Variants in MID1 observed in about 807,000 individuals in gnomAD.
The protein encoded by MID1 is midline 1.
Under a neutral mutation model 40.4 loss-of-function variants are expected in MID1, and 7 were observed. The ratio of observed to expected loss-of-function variants is 0.17; its 90% CI spans 0.10 to 0.33. MID1 has a LOEUF of 0.33. Ranked by LOEUF, MID1 falls within the 10% of genes least tolerant of loss-of-function variation. The pLI, the probability that MID1 is intolerant of heterozygous loss-of-function variation, is 1.00. For missense variants in MID1, 367 were observed against 558.5 expected (o/e 0.66, Z 3.46); for synonymous variants, 229 against 221.2 (o/e 1.04, Z -0.31).
In MID1 at chrX:10,465,507, G is replaced by A. The variant is rs554290783; in HGVS notation, c.1285+4190C>T. On this transcript the variant is annotated intron_variant, in intron 7 of 9. Transcript: ENST00000317552. ...TATTACATTATATGACAAAGGCGAAGGCGAAGGGAGTTTACAGATATAATT... is the reference window on the plus strand; with the variant it reads ...TATTACATTATATGACAAAGGCGAAAGCGAAGGGAGTTTACAGATATAATT... Among the ~76,000 whole-genome samples the A allele has an allele frequency of 9.1e-5, 10 of 110,148 alleles. No homozygotes were observed. In the South Asian group the frequency reaches 3.5e-3, roughly 39 times the overall value.
rs190245467 is a variant in MID1, at chrX:10,458,579, A to G, written c.1447+1067T>C. On this transcript the variant is annotated intron_variant, in intron 8 of 9. Coordinates refer to ENST00000317552, the MANE Select transcript of MID1 (RefSeq NM_000381.4). Reference sequence around the variant, plus strand: ...ACAGAACTCTCTGTATTATCTATGGATTTCCTGTAAATCTACAGCTATTCC... The same window carrying G: ...ACAGAACTCTCTGTATTATCTATGGGTTTCCTGTAAATCTACAGCTATTCC... 2.6e-3 allele frequency among the ~76,000 whole-genome samples: 296 copies of G among 112,138 alleles called. 2 individuals are homozygous for G. Among genetic ancestry groups the G allele is most frequent in the African/African-American group, 8.2e-3 (254 of 30,886 alleles).
rs180920746 is a variant in MID1 at position 10,562,707 on chromosome X, T to C, written c.660+4181A>G. Reference sequence around the variant, plus strand: ...AAAATATACCAAGTCCAAAGTTGACTTGTATCCATCTACCAAACATTCAAG... The same window carrying C: ...AAAATATACCAAGTCCAAAGTTGACCTGTATCCATCTACCAAACATTCAAG... On this transcript the variant is annotated intron_variant, in intron 2 of 9. Transcript: ENST00000317552. 1.0e-4 allele frequency among the ~76,000 whole-genome samples: 11 copies of C among 106,294 alleles called. No homozygotes were observed. The East Asian group carries it at 2.8e-3, about 27-fold the overall frequency. The allele number at this position is 106,294 out of a possible 115,157, so 92.3% of individuals were successfully genotyped here.
intron 6 of MID1, among the ~76,000 whole-genome samples, chrX:10,470,611 A>AC (rs1435838998): frequency 8.9e-6 from 1 of 112,385 alleles, no homozygotes; most frequent in Non-Finnish European, 1.9e-5. Flanking sequence ...AATTCAGAAG[A>AC]CCATGATTCA....
intron 1 of MID1, among the ~76,000 whole-genome samples, chrX:10,766,334 G>A (rs770862198): frequency 1.8e-5 from 2 of 111,304 alleles, no homozygotes; most frequent in Non-Finnish European, 3.8e-5. Flanking sequence ...CAGGATAATC[G>A]CCAAGCCTGG....
chrX:10,661,895 T>C (rs1002103532), intron 1 of MID1, among the ~76,000 whole-genome samples: 14 of 112,365 alleles, frequency 1.2e-4, no homozygotes, highest in Non-Finnish European at 2.6e-4. Context: ...ATGAGAAATC[T>C]ACTTACTTTT....
At chrX:10,717,382 C>T (rs1215449905) in intron 1 of MID1, among the ~76,000 whole-genome samples, 1,916 of 105,905 alleles carry the variant, frequency 0.018, 49 homozygotes, top group African/African-American at 0.063. Flanking sequence ...AAAAAAAAGG[C>T]AGGGGTTGCA....
chrX:10,470,333 A>T (rs1359374500), intron 6 of MID1, among the ~76,000 whole-genome samples: 6 of 111,792 alleles, frequency 5.4e-5, no homozygotes, highest in African/African-American at 2.0e-4. Context: ...GGTTCCAATA[A>T]AACTTTATTT....
At chrX:10,745,773 T>C (rs976685691) in intron 1 of MID1, among the ~76,000 whole-genome samples, 1 of 112,423 alleles carries the variant, frequency 8.9e-6, no homozygotes, top group African/African-American at 3.2e-5. Flanking sequence ...ACATTGAGAA[T>C]GTATGAAGAA....
At chrX:10,816,179 A>T (rs2044135000) in intron 1 of MID1, among the ~76,000 whole-genome samples, 1 of 111,876 alleles carries the variant, frequency 8.9e-6, no homozygotes, top group South Asian at 3.7e-4. Flanking sequence ...AAATAAATTA[A>T]TAATAATAAT....
chrX:10,756,906 C>T (rs965255173), intron 1 of MID1, among the ~76,000 whole-genome samples: 1 of 111,690 alleles, frequency 9.0e-6, no homozygotes, highest in African/African-American at 3.3e-5. Flanking sequence ...TGCCATGTTA[C>T]CTCTCTGTTG....
intron 1 of MID1, among the ~76,000 whole-genome samples, chrX:10,632,184 T>A: frequency 8.9e-6 from 1 of 112,154 alleles, no homozygotes; most frequent in East Asian, 2.8e-4. Flanking sequence ...ACCTGACCCC[T>A]GAAGCTTCTA....
At chrX:10,623,093 A>AAAAAAAAAAAAAAAAC (rs1935953938), upstream of MID1, among the ~76,000 whole-genome samples, 1 of 104,916 alleles carries the variant, frequency 9.5e-6, no homozygotes, top group African/African-American at 3.5e-5. Context: ...CAAAAAAAAA[A>AAAAAAAAAAAAAAAAC]AAAAAAAAAT....
At position 10,817,570 on chromosome X, in the gene MID1, T is replaced by TTCTTTCTTTCTC. The variant is rs1555927218; in HGVS notation, c.-187+15983_-187+15984insGAGAAAGAAAGA. Among the ~76,000 whole-genome samples the TTCTTTCTTTCTC allele has an allele frequency of 2.4e-4, 21 of 88,320 alleles. 1 individual carries two copies. The highest frequency in any genetic ancestry group is 9.5e-4 in the African/African-American group (21 of 22,017). 76.7% of individuals were successfully genotyped at this position (88,320 alleles called of 115,157 possible). A position where few individuals can be genotyped will look rare whatever the true frequency, so the allele number is the denominator to read the frequency against. On this transcript the variant is annotated intron_variant, in intron 1 of 10. Transcript: ENST00000380785. ...TTTCTTTCTTTCTTTCTTTCTTTCT[T>TTCTTTCTTTCTC]TCTCTCTTTCTTTCTTTCTCTCTCT...
At chrX:10,730,154 A>G (rs995381337) in intron 1 of MID1, among the ~76,000 whole-genome samples, 1 of 111,014 alleles carries the variant, frequency 9.0e-6, no homozygotes, top group Admixed American at 9.6e-5. Context: ...AGTTAACACA[A>G]TACAATACAA....
At chrX:10,510,218 T>C (rs1049291622) in intron 3 of MID1, among the ~76,000 whole-genome samples, 1 of 111,620 alleles carries the variant, frequency 9.0e-6, no homozygotes, top group Non-Finnish European at 1.9e-5. Context: ...TGCGGTAAAA[T>C]TTACATGCAA....
chrX:10,782,496 A>G (rs2043853976), intron 1 of MID1, among the ~76,000 whole-genome samples: 1 of 111,847 alleles, frequency 8.9e-6, no homozygotes, highest in African/African-American at 3.3e-5. Flanking sequence ...CAGGATCCTC[A>G]GGCCGATATT....
intron 6 of MID1, among the ~76,000 whole-genome samples, chrX:10,470,601 A>C (rs777801485): frequency 8.9e-6 from 1 of 112,489 alleles, no homozygotes; most frequent in East Asian, 2.8e-4. Context: ...CGATATTTCA[A>C]ATTCAGAAGA....
chrX:10,597,327 G>T (rs1288708524), intron 1 of MID1, among the ~76,000 whole-genome samples: 1 of 111,655 alleles, frequency 9.0e-6, no homozygotes, highest in Admixed American at 9.5e-5. Flanking sequence ...GATTTTTCAT[G>T]TGTAAAGATT....
intron 1 of MID1, among the ~76,000 whole-genome samples, chrX:10,618,726 C>G (rs1283659448): frequency 9.0e-6 from 1 of 111,542 alleles, no homozygotes; most frequent in African/African-American, 3.3e-5. Flanking sequence ...AAACCTTAGG[C>G]ATAAGGCACG....
Sources: allele counts gnomAD v4.1 joint callset (sites outside exome capture counted in the v4.1 genomes callset), GRCh38; gene constraint gnomAD v4.1.1; transcripts MANE v1.5; gene names NCBI Gene and HGNC (gene_info 2026-07-23, HGNC 2026-07-21).